ANXA4: variants seen among roughly 807,000 people sequenced by gnomAD.
ANXA4 encodes the protein annexin A4.
Under a neutral mutation model 49.8 loss-of-function variants are expected in ANXA4, and 39 were observed. That is an observed-to-expected ratio of 0.78 (90% confidence interval 0.61 to 1.02). The LOEUF (loss-of-function observed/expected upper bound fraction) is 1.02. ANXA4 is among the 50% of genes least tolerant of loss of function. ANXA4 has a pLI of 0.00. For synonymous variants in ANXA4, 134 were observed against 152.5 expected, an observed-to-expected ratio of 0.88 and a Z score of 0.89; for missense variants, 360 against 410.1, an observed-to-expected ratio of 0.88 and a Z score of 1.05.
chr2:69,724,340 TC>T (rs1005882546), intron 3 of ANXA4, among the ~76,000 whole-genome samples: 2 of 152,296 alleles, frequency 1.3e-5, no homozygotes, highest in South Asian at 4.1e-4. Context: ...GTACAAGAGT[TC>T]CTGGCAGAAG....
chr2:69,666,916 C>T (rs1676959649), intron 2 of ANXA4, among the ~76,000 whole-genome samples: 1 of 151,616 alleles, frequency 6.6e-6, no homozygotes, highest in Non-Finnish European at 1.5e-5. Flanking sequence ...CGTGTTGGTG[C>T]ACACCTGTAG....
Position 69,813,162 on chromosome 2 carries a change from A to G in ANXA4, c.534+453A>G, listed in dbSNP as rs147530891. On this transcript the variant is annotated intron_variant, in intron 8 of 12. Coordinates refer to ENST00000394295, the MANE Select transcript of ANXA4 (RefSeq NM_001153.5). ...GTGATGGTTGTCCTGGAACCAACCC[A>G]TGGTCTAATCAGCTGTGGCCAGATA... Among the ~76,000 whole-genome samples the G allele has an allele frequency of 7.6e-3, 1,156 of 152,274 alleles. 18 individuals are homozygous for G. The highest frequency in any genetic ancestry group is 0.026 in the African/African-American group (1,099 of 41,568).
At chr2:69,666,257 A>G (rs1676928926) in intron 2 of ANXA4, among the ~76,000 whole-genome samples, 1 of 152,228 alleles carries the variant, frequency 6.6e-6, no homozygotes, top group African/African-American at 2.4e-5. Context: ...ATCATTGATT[A>G]TTAGGGAAAT....
intron 3 of ANXA4, among the ~76,000 whole-genome samples, chr2:69,726,161 G>A (rs1402486596): frequency 6.6e-6 from 1 of 152,146 alleles, no homozygotes; most frequent in African/African-American, 2.4e-5. Flanking sequence ...TTTCCCCCGT[G>A]ATGTTCTCAT....
chr2:69,701,493 C>T (rs969298123), intron 2 of ANXA4, among the ~76,000 whole-genome samples: 2 of 152,170 alleles, frequency 1.3e-5, no homozygotes, highest in African/African-American at 4.8e-5. Flanking sequence ...TTTCACTTAG[C>T]GTAACGTCCT....
chr2:69,781,708 G>A, intron 2 of ANXA4, 134 bp downstream of exon 2: 1 of 1,028,178 alleles, frequency 9.7e-7, no homozygotes. Flanking sequence ...GAAAAGGCAG[G>A]TCTATTTCTA....
intron 6 of ANXA4, chr2:69,808,840 T>C (rs1673568946): frequency 6.6e-6 from 1 of 152,108 alleles, no homozygotes; most frequent in Admixed American, 6.6e-5. Flanking sequence ...TTTTGTATTT[T>C]TTGTAGAGAT....
At chr2:69,759,459 A>G (rs1355189768) in intron 1 of ANXA4, among the ~76,000 whole-genome samples, 1 of 152,222 alleles carries the variant, frequency 6.6e-6, no homozygotes, top group Non-Finnish European at 1.5e-5. Context: ...GATGATTGCT[A>G]AAGGCTTTCC....
At chr2:69,654,866 A>G (rs1396650663) in intron 2 of ANXA4, among the ~76,000 whole-genome samples, 7 of 152,172 alleles carry the variant, frequency 4.6e-5, no homozygotes, top group Admixed American at 4.6e-4. Flanking sequence ...CCTCAGAAAT[A>G]ACACCACACA....
In ANXA4 at chr2:69,818,694, G is replaced by T; in HGVS notation, c.724G>T (p.Val242Leu). ...CTTTGAAGATGCTCTGCTGGCTATAGGTAAGCTGGTAGGGGGAGTAGAGAA... is the reference window on the plus strand; with the variant it reads ...CTTTGAAGATGCTCTGCTGGCTATATGTAAGCTGGTAGGGGGAGTAGAGAA... ...GSFEDALLAI[V>L]KCMRNKSAYF... The change falls in exon 10 of 13, where the codon GTA becomes TTA. Residue 242 changes from valine (V) to leucine (L), a missense_variant and splice_region_variant. Coordinates refer to ENST00000394295, the MANE Select transcript of ANXA4 (RefSeq NM_001153.5). 6.3e-7 allele frequency: 1 copy of T among 1,596,898 alleles called. No individual in the cohort carries two copies. Among genetic ancestry groups the T allele is most frequent in the Non-Finnish European group, 8.6e-7 (1 of 1,167,144 alleles).
At position 69,784,547 on chromosome 2, in the gene ANXA4, A is replaced by G. The variant is rs115462916; in HGVS notation, c.9+2973A>G. 1.6e-3 allele frequency among the ~76,000 whole-genome samples: 251 copies of G among 152,370 alleles called. 1 individual carries two copies. Among genetic ancestry groups the G allele is most frequent in the Non-Finnish European group, 2.6e-3 (174 of 68,022 alleles). On this transcript the variant is annotated intron_variant, in intron 2 of 12. Transcript: ENST00000394295. The stretch of plus-strand genomic sequence containing the variant: ...CACCAATTTGCGTATTACTACTGAT[A>G]TATAATAGAAGAAAAGAAGTAAAGT...
In ANXA4 at chr2:69,755,378, G is replaced by A. The variant is rs549220648; in HGVS notation, c.-47+13203G>A. 2.6e-5 allele frequency among the ~76,000 whole-genome samples: 4 copies of A among 152,340 alleles called. No homozygotes were observed. In the East Asian group the frequency reaches 7.7e-4, roughly 29 times the overall value. On this transcript the variant is annotated intron_variant, in intron 1 of 12. Coordinates refer to ENST00000394295, the MANE Select transcript of ANXA4 (RefSeq NM_001153.5). ...CTCACGCCTGTAATCCCAGCACTTTGGGAGGCCGAGGCTGGCAGATCACTT... is the reference window on the plus strand; with the variant it reads ...CTCACGCCTGTAATCCCAGCACTTTAGGAGGCCGAGGCTGGCAGATCACTT...
intron 2 of ANXA4, among the ~76,000 whole-genome samples, chr2:69,691,731 C>T (rs1055468341): frequency 3.9e-5 from 6 of 152,176 alleles, no homozygotes; most frequent in African/African-American, 1.4e-4. Context: ...GCCTTCTGAG[C>T]AGCCCAGACC....
chr2:69,651,966 C>T (rs563229592), intron 1 of ANXA4, among the ~76,000 whole-genome samples: 1 of 151,748 alleles, frequency 6.6e-6, no homozygotes, highest in African/African-American at 2.4e-5. Flanking sequence ...GCGTAAACCC[C>T]CATATTCTCG....
At chr2:69,717,612 T>C (rs1403051647) in intron 2 of ANXA4, among the ~76,000 whole-genome samples, 1 of 152,230 alleles carries the variant, frequency 6.6e-6, no homozygotes, top group Non-Finnish European at 1.5e-5. Flanking sequence ...ATCTTTCTGT[T>C]ACCGCCATTT....
intron 2 of ANXA4, among the ~76,000 whole-genome samples, chr2:69,667,386 A>G (rs1676977001): frequency 6.6e-6 from 1 of 151,902 alleles, no homozygotes; most frequent in South Asian, 2.1e-4. Context: ...GGGCATAATG[A>G]TTGGTATTCA....
At chr2:69,789,357 C>G (rs1033029422) in intron 3 of ANXA4, among the ~76,000 whole-genome samples, 2 of 152,138 alleles carry the variant, frequency 1.3e-5, no homozygotes, top group African/African-American at 4.8e-5. Flanking sequence ...AGCACTAAGT[C>G]CACATTCTTG....
chr2:69,791,524 G>C (rs1672689749), intron 3 of ANXA4, among the ~76,000 whole-genome samples: 1 of 152,160 alleles, frequency 6.6e-6, no homozygotes, highest in African/African-American at 2.4e-5. Flanking sequence ...AGTACACTTT[G>C]CTTAGTTATC....
intron 2 of ANXA4, among the ~76,000 whole-genome samples, chr2:69,679,799 G>A (rs1342566743): frequency 6.6e-6 from 1 of 152,150 alleles, no homozygotes; most frequent in Non-Finnish European, 1.5e-5. Flanking sequence ...CACCTTTGTA[G>A]ACAATCAGTT....
Sources: gnomAD v4.1 joint callset for allele counts (sites outside exome capture counted in the v4.1 genomes callset) on GRCh38, gnomAD v4.1.1 for gene constraint, MANE v1.5 for transcripts, NCBI Gene and HGNC (gene_info 2026-07-23, HGNC 2026-07-21) for gene names.